Variants in AFG3L2 observed in about 807,000 individuals in gnomAD.
The protein encoded by AFG3L2 is mitochondrial inner membrane m-AAA protease component AFG3L2.
Under a neutral mutation model 94.5 loss-of-function variants are expected in AFG3L2, and 54 were observed. That is an observed-to-expected ratio of 0.57 (90% CI 0.46 to 0.72). AFG3L2 has a LOEUF of 0.72. Ranked by LOEUF, AFG3L2 falls within the 30% of genes least tolerant of loss-of-function variation. AFG3L2 has a pLI of 0.00. For synonymous variants in AFG3L2, 377 were observed against 365.5 expected, an observed-to-expected ratio of 1.03 and a Z score of -0.36; for missense variants, 754 against 994.9, an observed-to-expected ratio of 0.76 and a Z score of 3.26.
chr18:12,356,652 G>A (rs1359710588), intron 9 of AFG3L2, 42 bp downstream of exon 9: 10 of 1,613,644 alleles, frequency 6.2e-6, no homozygotes, highest in Non-Finnish European at 8.5e-6. Context: ...GTGAAGTGGT[G>A]GGTGCAAGGA....
intron 1 of AFG3L2, among the ~76,000 whole-genome samples, chr18:12,375,635 G>A (rs1909131124): frequency 6.6e-6 from 1 of 152,130 alleles, no homozygotes; most frequent in Non-Finnish European, 1.5e-5. Context: ...CAGCTCCACC[G>A]CCCAGGTTCA....
intron 13 of AFG3L2, among the ~76,000 whole-genome samples, chr18:12,347,235 T>C (rs530487908): frequency 2.6e-5 from 4 of 152,320 alleles, no homozygotes; most frequent in Non-Finnish European, 5.9e-5. Context: ...TTCAAGACTT[T>C]CCAAAACTGA....
intron 1 of AFG3L2, 67 bp downstream of exon 1, chr18:12,376,902 C>G (rs1909176617): frequency 4.9e-6 from 6 of 1,233,134 alleles, no homozygotes; most frequent in Non-Finnish European, 5.3e-6. Flanking sequence ...CCTTGACGTC[C>G]GCTCTCCCGA....
At chr18:12,355,161 T>C (rs961244291) in intron 9 of AFG3L2, among the ~76,000 whole-genome samples, 2 of 149,542 alleles carry the variant, frequency 1.3e-5, no homozygotes, top group Non-Finnish European at 3.0e-5. Flanking sequence ...GTTATGCCGC[T>C]GCACTCCAGC....
chr18:12,347,577 G>T (rs1161482004), intron 13 of AFG3L2, among the ~76,000 whole-genome samples: 1 of 148,966 alleles, frequency 6.7e-6, no homozygotes, highest in African/African-American at 2.5e-5. Flanking sequence ...TTGAGACAGA[G>T]ACTTACTCTG....
chr18:12,360,746 A>G (rs1321176265), intron 6 of AFG3L2, among the ~76,000 whole-genome samples: 3 of 152,172 alleles, frequency 2.0e-5, no homozygotes, highest in Admixed American at 1.3e-4. Context: ...GTGTCTACTG[A>G]CTGAATATGA....
intron 13 of AFG3L2, among the ~76,000 whole-genome samples, chr18:12,347,309 G>C (rs557033802): frequency 6.6e-6 from 1 of 152,098 alleles, no homozygotes; most frequent in Non-Finnish European, 1.5e-5. Context: ...CCACTTCCAC[G>C]TCACACCCCA....
rs915314370 is a variant in AFG3L2, at chr18:12,330,669, T to A, written c.2176-886A>T. 4.0e-5 allele frequency among the ~76,000 whole-genome samples: 6 copies of A among 151,708 alleles called. No individual in the cohort carries two copies. In the East Asian group the frequency reaches 7.8e-4, roughly 20 times the overall value. On this transcript the variant is annotated intron_variant, in intron 16 of 16. Coordinates refer to ENST00000269143, the MANE Select transcript of AFG3L2 (RefSeq NM_006796.3). ...GGTGGGTGCCTGTAAGCCCAGCTAC[T>A]CAGGAGGCCGAGGCAGGAGAATGGC...
intron 15 of AFG3L2, among the ~76,000 whole-genome samples, chr18:12,339,258 A>C (rs1189926622): frequency 6.7e-6 from 1 of 149,876 alleles, no homozygotes; most frequent in Non-Finnish European, 1.5e-5. Flanking sequence ...AAAAAAAAAA[A>C]AAAAGGTTTC....
At chr18:12,350,898 T>C (rs1187086297) in intron 12 of AFG3L2, among the ~76,000 whole-genome samples, 187 bp downstream of exon 12, 1 of 152,122 alleles carries the variant, frequency 6.6e-6, no homozygotes, top group African/African-American at 2.4e-5. Context: ...CAGTGAGCTA[T>C]GATTACACCA....
intron 16 of AFG3L2, among the ~76,000 whole-genome samples, chr18:12,336,914 G>A (rs781302798): frequency 7.2e-5 from 11 of 152,152 alleles, no homozygotes; most frequent in Admixed American, 6.5e-5. Context: ...TAACTTTCAC[G>A]TACCAATTTC....
chr18:12,366,949 C>T lies in AFG3L2; in HGVS notation c.552+16G>A. 1 of 1,614,016 alleles carries T rather than the reference C, an allele frequency of 6.2e-7. No individual in the cohort carries two copies. The highest frequency in any genetic ancestry group is 1.1e-5 in the South Asian group (1 of 91,062). On this transcript the variant is annotated intron_variant, in intron 5 of 16. Coordinates refer to ENST00000269143, the MANE Select transcript of AFG3L2 (RefSeq NM_006796.3). ...CCTTTGAACCACAACAGCCACCAAT[C>T]CCATAAAATACTTACTACTCCTTTT...
In AFG3L2 at chr18:12,351,489, G is replaced by A. The variant is rs556525644; in HGVS notation, c.1319-76C>T. On this transcript the variant is annotated intron_variant, in intron 10 of 16. Coordinates refer to ENST00000269143, the MANE Select transcript of AFG3L2 (RefSeq NM_006796.3). The stretch of plus-strand genomic sequence containing the variant: ...CAACAGTGCACCATCAGGAACATAT[G>A]AGCACTGCAAATTCATAGCTACAGT... The A allele has an allele frequency of 4.1e-6, 5 of 1,212,668 alleles. No individual in the cohort carries two copies. The African/African-American group carries it at 6.0e-5, about 14-fold the overall frequency. 75.1% of individuals were successfully genotyped at this position (1,212,668 alleles called of 1,614,324 possible).
chr18:12,365,408 C>G (rs1250245121), intron 5 of AFG3L2, among the ~76,000 whole-genome samples: 2 of 152,206 alleles, frequency 1.3e-5, no homozygotes, highest in African/African-American at 4.8e-5. Flanking sequence ...GAGAATTACA[C>G]ATATAAGATC....
intron 10 of AFG3L2, among the ~76,000 whole-genome samples, chr18:12,352,720 G>GCCTTT (rs1281956548): frequency 6.6e-6 from 1 of 152,092 alleles, no homozygotes; most frequent in African/African-American, 2.4e-5. Flanking sequence ...ATTTGTATTA[G>GCCTTT]TATAAAAGGG....
Position 12,356,948 on chromosome 18 carries a change from T to C in AFG3L2, c.1027-117A>G, listed in dbSNP as rs1908515680. 5 of 1,008,292 alleles carry C rather than the reference T, an allele frequency of 5.0e-6. No homozygotes were observed. In the Admixed American group the frequency reaches 6.7e-5, roughly 13 times the overall value. 62.5% of individuals were successfully genotyped at this position (1,008,292 alleles called of 1,614,324 possible). On this transcript the variant is annotated intron_variant, in intron 8 of 16. Coordinates refer to ENST00000269143, the MANE Select transcript of AFG3L2 (RefSeq NM_006796.3). The stretch of plus-strand genomic sequence containing the variant: ...CTAAATCTTATTGATATATATTAAA[T>C]ATTACTTAAACATCTGAGCTATGGT...
chr18:12,349,695 C>T (rs111402890), intron 12 of AFG3L2, among the ~76,000 whole-genome samples: 5,120 of 152,202 alleles, frequency 0.034, 266 homozygotes, highest in African/African-American at 0.12. Flanking sequence ...GAGTTTTGCT[C>T]TTGTCACCCA....
chr18:12,370,782 T>C (rs964587120), intron 3 of AFG3L2, 67 bp downstream of exon 3: 57 of 1,082,446 alleles, frequency 5.3e-5, no homozygotes, highest in Non-Finnish European at 7.0e-5. Context: ...CTTTGTTCAG[T>C]GGAAACTACC....
chr18:12,372,803 C>T lies in AFG3L2; in HGVS notation c.115-1112G>A, dbSNP rs553459883. ...CACAAAAGGTCACATATTATGATTCCATTTATACGAAATGTCTAGAATAGG... is the reference window on the plus strand; with the variant it reads ...CACAAAAGGTCACATATTATGATTCTATTTATACGAAATGTCTAGAATAGG... On this transcript the variant is annotated intron_variant, in intron 1 of 16. Transcript: ENST00000269143. Among the ~76,000 whole-genome samples the T allele has an allele frequency of 1.6e-3, 245 of 152,226 alleles. 2 individuals carry two copies. Among genetic ancestry groups the T allele is most frequent in the South Asian group, 8.3e-3 (40 of 4,826 alleles).
Sources: gnomAD v4.1 joint callset for allele counts (sites outside exome capture counted in the v4.1 genomes callset) on GRCh38, gnomAD v4.1.1 for gene constraint, MANE v1.5 for transcripts, NCBI Gene and HGNC (gene_info 2026-07-23, HGNC 2026-07-21) for gene names.